SLTM: variants seen among roughly 807,000 people sequenced by gnomAD.
The protein encoded by SLTM is SAFB-like transcription modulator.
Under a neutral mutation model 134.6 loss-of-function variants are expected in SLTM, and 43 were observed. The ratio of observed to expected loss-of-function variants is 0.32; its 90% confidence interval spans 0.25 to 0.41. The LOEUF (loss-of-function observed/expected upper bound fraction) is 0.41. SLTM is among the 10% of genes least tolerant of loss of function. The probability of loss-of-function intolerance (pLI) is 1.00; values close to 1 mark genes in which losing one functional copy is unlikely to be tolerated. For synonymous variants in SLTM, 424 were observed against 432.3 expected, an observed-to-expected ratio of 0.98 and a Z score of 0.24; for missense variants, 1,055 against 1,288.8, an observed-to-expected ratio of 0.82 and a Z score of 2.78.
rs1479525790 is a variant in SLTM, at chr15:58,932,402, T to C, written c.204A>G (p.Leu68=). 2.5e-6 allele frequency: 4 copies of C among 1,613,488 alleles called. No individual in the cohort carries two copies. In the African/African-American group the frequency reaches 4.0e-5, roughly 16 times the overall value. ...EEGGDPDNIE[L]TVSTDTPNKK... ...TGTTTGGAGTATCAGTTGAAACAGTTAATTCAATATTATCTGGATCGCCTC... is the reference window on the plus strand; with the variant it reads ...TGTTTGGAGTATCAGTTGAAACAGTCAATTCAATATTATCTGGATCGCCTC... The change falls in exon 2 of 21, where the codon TTA becomes TTG. Residue 68 remains leucine, a synonymous_variant. Coordinates refer to ENST00000380516, the MANE Select transcript of SLTM (RefSeq NM_024755.4).
At chr15:58,881,242 G>C (rs1458622765) in intron 20 of SLTM, among the ~76,000 whole-genome samples, 1 of 152,102 alleles carries the variant, frequency 6.6e-6, no homozygotes, top group Non-Finnish European at 1.5e-5. Flanking sequence ...CTACAGTGAA[G>C]GCCGGGTGTG....
intron 5 of SLTM, among the ~76,000 whole-genome samples, chr15:58,905,755 C>A (rs201722213): frequency 6.6e-6 from 1 of 151,210 alleles, no homozygotes; most frequent in Non-Finnish European, 1.5e-5. Context: ...AAAAAAAAAA[C>A]TGTATTCTAT....
At chr15:58,916,111 C>A (rs1407577399) in intron 3 of SLTM, among the ~76,000 whole-genome samples, 1 of 151,974 alleles carries the variant, frequency 6.6e-6, no homozygotes, top group East Asian at 1.9e-4. Context: ...ATTTTCGGCC[C>A]CAAAAGGCCT....
Position 58,879,690 on chromosome 15 carries a change from C to G in SLTM, c.*309G>C. 4.7e-6 allele frequency: 1 copy of G among 211,902 alleles called. No individual in the cohort carries two copies. 13.1% of individuals were successfully genotyped at this position (211,902 alleles called of 1,614,324 possible). On this transcript the variant is annotated 3_prime_UTR_variant, in exon 21 of 21. Coordinates refer to ENST00000380516, the MANE Select transcript of SLTM (RefSeq NM_024755.4). Reference sequence around the variant, plus strand: ...AGAGCTAAGGCTGCAAATTAAACCACTACCACACAGCTGCAAACTACTCTT... The same window carrying G: ...AGAGCTAAGGCTGCAAATTAAACCAGTACCACACAGCTGCAAACTACTCTT...
chr15:58,893,158 A>T lies in SLTM; in HGVS notation c.1735-98T>A, dbSNP rs1567114658. 4.3e-6 allele frequency: 6 copies of T among 1,406,778 alleles called. No homozygotes were observed. The South Asian group carries it at 5.1e-5, about 12-fold the overall frequency. 87.1% of individuals were successfully genotyped at this position (1,406,778 alleles called of 1,614,324 possible). A position where few individuals can be genotyped will look rare whatever the true frequency, so the allele number is the denominator to read the frequency against. ...ATTTAAAAAGTTCAAATGACTAGTA[A>T]CATTTCCTTTTTCTTGGGTTTGCTA... On this transcript the variant is annotated intron_variant, in intron 13 of 20. Transcript: ENST00000380516.
chr15:58,883,134 G>A (rs1364851395), intron 20 of SLTM, among the ~76,000 whole-genome samples: 1 of 152,166 alleles, frequency 6.6e-6, no homozygotes, highest in Non-Finnish European at 1.5e-5. Context: ...GGGCAACATG[G>A]TGAAACCCTG....
At chr15:58,927,513 C>T (rs920423461) in intron 2 of SLTM, among the ~76,000 whole-genome samples, 1 of 152,184 alleles carries the variant, frequency 6.6e-6, no homozygotes, top group Non-Finnish European at 1.5e-5. Context: ...TCAGGTGATC[C>T]GCCCACCTCA....
chr15:58,909,285 G>C (rs1248034344), intron 5 of SLTM, among the ~76,000 whole-genome samples: 1 of 151,966 alleles, frequency 6.6e-6, no homozygotes, highest in Non-Finnish European at 1.5e-5. Flanking sequence ...TAACTGCGAT[G>C]GACCAAAATA....
At chr15:58,926,602 T>G (rs1250505989) in intron 2 of SLTM, among the ~76,000 whole-genome samples, 1 of 151,982 alleles carries the variant, frequency 6.6e-6, no homozygotes, top group Non-Finnish European at 1.5e-5. Context: ...TTTTGTACTT[T>G]TCTGGATTAC....
In SLTM at chr15:58,890,276, T is replaced by G. The variant is rs915506993; in HGVS notation, c.2079+5A>C. ...ATTTAAGATGAAAAGATTTTCTGAC[T>G]GCACCTGTTCAATACGAATGCGTTC... On this transcript the variant is annotated splice_donor_5th_base_variant and intron_variant, in intron 15 of 20. Coordinates refer to ENST00000380516, the MANE Select transcript of SLTM (RefSeq NM_024755.4). The G allele has an allele frequency of 1.2e-6, 2 of 1,612,256 alleles. No homozygotes were observed. Among genetic ancestry groups the G allele is most frequent in the Non-Finnish European group, 1.7e-6 (2 of 1,179,356 alleles).
At chr15:58,918,878 A>C (rs542843517) in intron 2 of SLTM, among the ~76,000 whole-genome samples, 7 of 152,302 alleles carry the variant, frequency 4.6e-5, no homozygotes, top group African/African-American at 1.7e-4. Flanking sequence ...AAAAAAACTA[A>C]AGATGTCCTT....
At chr15:58,884,752 C>G (rs1264866382) in intron 19 of SLTM, among the ~76,000 whole-genome samples, 2 of 152,114 alleles carry the variant, frequency 1.3e-5, no homozygotes, top group African/African-American at 4.8e-5. Flanking sequence ...CTGCTTCAGC[C>G]TCCTGCCTAG....
intron 2 of SLTM, among the ~76,000 whole-genome samples, chr15:58,923,140 C>G (rs530852768): frequency 6.6e-6 from 1 of 152,206 alleles, no homozygotes; most frequent in East Asian, 1.9e-4. Context: ...GGAGGATTAA[C>G]TGAGGTCAGA....
intron 5 of SLTM, among the ~76,000 whole-genome samples, chr15:58,911,391 T>G (rs1462132913): frequency 1.3e-5 from 2 of 152,142 alleles, no homozygotes; most frequent in African/African-American, 4.8e-5. Flanking sequence ...CTGAATCTAG[T>G]AAACAAAGGA....
intron 3 of SLTM, among the ~76,000 whole-genome samples, chr15:58,914,411 T>G (rs561353089): frequency 5.3e-5 from 8 of 152,112 alleles, no homozygotes; most frequent in Non-Finnish European, 1.2e-4. Flanking sequence ...GGTTAAAAGG[T>G]GAAAGAGGCA....
chr15:58,932,066 T>A lies in SLTM; in HGVS notation c.250+290A>T. 3 of 251,820 alleles carry A rather than the reference T, an allele frequency of 1.2e-5. No homozygotes were observed. In the South Asian group the frequency reaches 2.3e-4, roughly 20 times the overall value. 15.6% of individuals were successfully genotyped at this position (251,820 alleles called of 1,614,324 possible). ...AGGTAGACATGTGTTAAACTGTATT[T>A]TATTCAGGTCTTCACACTATGAAGC... On this transcript the variant is annotated intron_variant, in intron 2 of 20. Transcript: ENST00000380516.
At chr15:58,926,749 G>C (rs140571903) in intron 2 of SLTM, among the ~76,000 whole-genome samples, 13 of 151,766 alleles carry the variant, frequency 8.6e-5, no homozygotes, top group African/African-American at 3.1e-4. Context: ...AGAGTAGCTG[G>C]GATTACAGAA....
chr15:58,933,341 G>A (rs973548661), intron 1 of SLTM, 63 bp downstream of exon 1: 14 of 1,485,578 alleles, frequency 9.4e-6, no homozygotes, highest in African/African-American at 8.7e-5. Flanking sequence ...CGGCGGAAGC[G>A]GGGCGCCGAG....
chr15:58,918,535 G>C (rs776471362), intron 2 of SLTM, among the ~76,000 whole-genome samples: 8 of 152,206 alleles, frequency 5.3e-5, no homozygotes, highest in Non-Finnish European at 7.3e-5. Flanking sequence ...ACAAGATTAG[G>C]AGTGGGGATT....
Sources: allele counts gnomAD v4.1 joint callset (sites outside exome capture counted in the v4.1 genomes callset), GRCh38; gene constraint gnomAD v4.1.1; transcripts MANE v1.5; gene names NCBI Gene and HGNC (gene_info 2026-07-23, HGNC 2026-07-21).